CNTNAP2: variants seen among roughly 807,000 people sequenced by gnomAD.
CNTNAP2 encodes contactin associated protein 2, also known as contactin-associated protein-like 2.
A neutral mutation model predicts 155.2 loss-of-function variants in CNTNAP2; 98 were observed. The observed-to-expected ratio is 0.63, with a 90% confidence interval of 0.54 to 0.75. CNTNAP2 has a LOEUF of 0.75. Among genes scored for constraint, CNTNAP2 ranks in the 30% least tolerant of loss-of-function variants. The pLI is 0.00. For synonymous variants in CNTNAP2, 651 were observed against 631.2 expected (o/e 1.03, Z -0.47); for missense variants, 1,727 against 1,688.1 (o/e 1.02, Z -0.40).
intron 1 of CNTNAP2, among the ~76,000 whole-genome samples, chr7:146,772,475 G>A (rs1802309277): frequency 6.7e-6 from 1 of 148,248 alleles, no homozygotes; most frequent in Non-Finnish European, 1.5e-5. Flanking sequence ...TGGCTAACAT[G>A]GTGAAACCCC....
At chr7:146,981,240 G>C (rs1798011253) in intron 3 of CNTNAP2, among the ~76,000 whole-genome samples, 1 of 152,108 alleles carries the variant, frequency 6.6e-6, no homozygotes, top group Admixed American at 6.6e-5. Context: ...CTCCCAAAGA[G>C]TTATAACTTA....
intron 1 of CNTNAP2, among the ~76,000 whole-genome samples, chr7:146,755,752 TTG>T (rs1801984789): frequency 6.6e-6 from 1 of 151,932 alleles, no homozygotes; most frequent in Admixed American, 6.6e-5. Context: ...CAGAATGAAT[TTG>T]TAAACTGATT....
intron 1 of CNTNAP2, among the ~76,000 whole-genome samples, chr7:146,403,163 CA>C (rs1795739086): frequency 6.6e-6 from 1 of 152,046 alleles, no homozygotes; most frequent in African/African-American, 2.4e-5. Context: ...CAATTCACAT[CA>C]ATTTTTAATT....
chr7:148,228,613 G>A (rs1405774924), intron 19 of CNTNAP2, among the ~76,000 whole-genome samples: 4 of 151,854 alleles, frequency 2.6e-5, no homozygotes, highest in South Asian at 2.1e-4. Context: ...GACGAGGTCC[G>A]GAGATCGAGA....
At chr7:146,512,697 T>C (rs1797485024) in intron 1 of CNTNAP2, among the ~76,000 whole-genome samples, 1 of 152,000 alleles carries the variant, frequency 6.6e-6, no homozygotes, top group African/African-American at 2.4e-5. Flanking sequence ...AGACATGTTT[T>C]GTGGCCTAAT....
intron 12 of CNTNAP2, among the ~76,000 whole-genome samples, chr7:147,608,091 TTG>T (rs1318434860): frequency 1.3e-5 from 2 of 151,926 alleles, no homozygotes; most frequent in Non-Finnish European, 2.9e-5. Flanking sequence ...AGAACAGTGC[TTG>T]GAATAAAGCA....
At chr7:146,552,445 G>T (rs560967920) in intron 1 of CNTNAP2, among the ~76,000 whole-genome samples, 1 of 151,924 alleles carries the variant, frequency 6.6e-6, no homozygotes, top group East Asian at 1.9e-4. Flanking sequence ...TTCTGGGTTC[G>T]ATCACTTCTA....
At chr7:146,577,964 G>A (rs1798550302) in intron 1 of CNTNAP2, among the ~76,000 whole-genome samples, 1 of 152,040 alleles carries the variant, frequency 6.6e-6, no homozygotes, top group Non-Finnish European at 1.5e-5. Context: ...AGTAGTGGGA[G>A]TAGAAACCCA....
At chr7:147,668,782 C>CAAAG (rs201158299) in intron 13 of CNTNAP2, among the ~76,000 whole-genome samples, 6,117 of 151,784 alleles carry the variant, frequency 0.04, 137 homozygotes, top group Middle Eastern at 0.13. Context: ...GGTTAATTAT[C>CAAAG]AAAGAGAAAA....
At chr7:148,300,211 G>A (rs1797357977) in intron 21 of CNTNAP2, among the ~76,000 whole-genome samples, 10 of 152,184 alleles carry the variant, frequency 6.6e-5, no homozygotes. Flanking sequence ...ATTCTTAAAA[G>A]CCTTATGGTT....
chr7:147,841,636 G>A (rs1473651611), intron 13 of CNTNAP2, among the ~76,000 whole-genome samples: 1 of 152,172 alleles, frequency 6.6e-6, no homozygotes, highest in Non-Finnish European at 1.5e-5. Context: ...CCCTGCTAAA[G>A]GATATGAATA....
At chr7:146,559,714 C>T (rs1294400494) in intron 1 of CNTNAP2, among the ~76,000 whole-genome samples, 1 of 152,074 alleles carries the variant, frequency 6.6e-6, no homozygotes, top group Non-Finnish European at 1.5e-5. Context: ...ATATTTATTT[C>T]AATCATATTT....
chr7:146,730,493 C>G (rs1468154199), intron 1 of CNTNAP2, among the ~76,000 whole-genome samples: 1 of 152,126 alleles, frequency 6.6e-6, no homozygotes, highest in Non-Finnish European at 1.5e-5. Flanking sequence ...ACTTGATAGG[C>G]TTGTAATTAT....
intron 11 of CNTNAP2, among the ~76,000 whole-genome samples, chr7:147,553,282 T>C (rs1026781726): frequency 6.6e-6 from 1 of 151,918 alleles, no homozygotes; most frequent in African/African-American, 2.4e-5. Context: ...ATGCAGCCAA[T>C]GGAAAAAAGA....
intron 13 of CNTNAP2, among the ~76,000 whole-genome samples, chr7:147,757,838 A>G (rs1797235327): frequency 6.6e-6 from 1 of 152,164 alleles, no homozygotes; most frequent in South Asian, 2.1e-4. Flanking sequence ...TAATTCTTTG[A>G]TAAGAAACAA....
chr7:146,788,907 T>C (rs1306404313), intron 2 of CNTNAP2, among the ~76,000 whole-genome samples: 1 of 152,184 alleles, frequency 6.6e-6, no homozygotes, highest in Non-Finnish European at 1.5e-5. Context: ...TGTAGACTTA[T>C]TTTTCTGACC....
At chr7:146,672,530 G>A (rs1294116481) in intron 1 of CNTNAP2, among the ~76,000 whole-genome samples, 2 of 151,872 alleles carry the variant, frequency 1.3e-5, no homozygotes, top group East Asian at 3.9e-4. Context: ...GTGAGACTGC[G>A]GGAGAGGAGA....
chr7:147,482,903 G>A (rs1480584189), intron 10 of CNTNAP2, among the ~76,000 whole-genome samples: 4 of 151,326 alleles, frequency 2.6e-5, no homozygotes, highest in Non-Finnish European at 1.5e-5. Context: ...CAAATTAGCT[G>A]GATGTCGTGG....
chr7:148,409,111 AACTAGAGCAGGCCAG>A (rs1799768880), intron 22 of CNTNAP2, among the ~76,000 whole-genome samples: 1 of 152,222 alleles, frequency 6.6e-6, no homozygotes, highest in South Asian at 2.1e-4. Context: ...CTGTCTGTGG[AACTAGAGCAGGCCAG>A]CTCAGGTAGC....
Sources: gnomAD v4.1 joint callset for allele counts (sites outside exome capture counted in the v4.1 genomes callset) on GRCh38, gnomAD v4.1.1 for gene constraint, MANE v1.5 for transcripts, NCBI Gene and HGNC (gene_info 2026-07-23, HGNC 2026-07-21) for gene names.